The following TPRG1 variants were observed in gnomAD, a reference collection of about 807,000 sequenced individuals.
The protein encoded by TPRG1 is tumor protein p63 regulated 1, also known as tumor protein p63-regulated gene 1 protein.
TPRG1 carries 29 observed loss-of-function variants against 29.3 expected under a neutral mutation model. The observed-to-expected ratio is 0.99, with a 90% CI of 0.74 to 1.35. TPRG1 has a LOEUF of 1.35. TPRG1 is among the 40% of genes most tolerant of loss of function. TPRG1 has a pLI of 0.00. For synonymous variants in TPRG1, 130 were observed against 116.8 expected, an observed-to-expected ratio of 1.11 and a Z score of -0.73; for missense variants, 327 against 335.0, an observed-to-expected ratio of 0.98 and a Z score of 0.19.
chr3:189,314,913 A>G, intron 5 of TPRG1, among the ~76,000 whole-genome samples: 1 of 152,166 alleles, frequency 6.6e-6, no homozygotes, highest in East Asian at 1.9e-4. Flanking sequence ...TGAGGCCAGA[A>G]GTTCAAGACC....
intron 3 of TPRG1, among the ~76,000 whole-genome samples, chr3:189,222,969 A>G (rs928743368): frequency 2.0e-5 from 3 of 152,160 alleles, no homozygotes; most frequent in East Asian, 1.9e-4. Flanking sequence ...GAGCCTTTCC[A>G]TATTGATTCA....
intron 4 of TPRG1, among the ~76,000 whole-genome samples, chr3:189,246,940 A>C (rs527868336): frequency 2.0e-5 from 3 of 152,132 alleles, no homozygotes; most frequent in African/African-American, 7.2e-5. Context: ...TTTGACTTTG[A>C]TGTGCTACAT....
rs1021544423 is a variant in TPRG1 at position 189,287,543 on chromosome 3, G to A, written c.480-22843G>A. Among the ~76,000 whole-genome samples the A allele has an allele frequency of 7.9e-5, 12 of 151,804 alleles. No homozygotes were observed. In the South Asian group the frequency reaches 2.3e-3, roughly 29 times the overall value. Reference sequence around the variant, plus strand: ...CTCCCGAGTAGCTGGGACTACAGGCGCCCACCACCACACCTGGCTAATTTT... The same window carrying A: ...CTCCCGAGTAGCTGGGACTACAGGCACCCACCACCACACCTGGCTAATTTT... On this transcript the variant is annotated intron_variant, in intron 4 of 5. Transcript: ENST00000345063.
chr3:189,212,842 ATTGT>A (rs1261584439), intron 2 of TPRG1, among the ~76,000 whole-genome samples: 1 of 152,210 alleles, frequency 6.6e-6, no homozygotes, highest in East Asian at 1.9e-4. Flanking sequence ...AGACATGGAC[ATTGT>A]TTGTGTGACA....
chr3:189,035,734 T>C (rs1211847817), intron 4 of TPRG1, among the ~76,000 whole-genome samples: 1 of 151,168 alleles, frequency 6.6e-6, no homozygotes, highest in Non-Finnish European at 1.5e-5. Context: ...CAACTCATAC[T>C]AGTCAGAATG....
At chr3:189,026,595 G>A (rs982250254) in intron 4 of TPRG1, among the ~76,000 whole-genome samples, 1 of 152,190 alleles carries the variant, frequency 6.6e-6, no homozygotes, top group South Asian at 2.1e-4. Flanking sequence ...TTTTGGGAAT[G>A]GCAAGTAGGG....
chr3:189,297,594 T>C (rs1720167036), intron 4 of TPRG1, among the ~76,000 whole-genome samples: 1 of 152,154 alleles, frequency 6.6e-6, no homozygotes, highest in Non-Finnish European at 1.5e-5. Flanking sequence ...CTGGATCAGA[T>C]TCTGGATTTT....
chr3:189,147,344 T>A (rs982246315), intron 3 of TPRG1, among the ~76,000 whole-genome samples: 1 of 152,052 alleles, frequency 6.6e-6, no homozygotes, highest in Non-Finnish European at 1.5e-5. Context: ...GTAGGATGAG[T>A]TTAGAGGACC....
At chr3:189,257,810 G>A (rs1712177063) in intron 4 of TPRG1, among the ~76,000 whole-genome samples, 1 of 152,192 alleles carries the variant, frequency 6.6e-6, no homozygotes, top group South Asian at 2.1e-4. Context: ...TGATACTTGT[G>A]TATGCTTCAC....
At chr3:189,179,213 A>G (rs757982810) in intron 1 of TPRG1, among the ~76,000 whole-genome samples, 1 of 152,118 alleles carries the variant, frequency 6.6e-6, no homozygotes, top group Non-Finnish European at 1.5e-5. Context: ...TGGAGCTGCA[A>G]CCATACATTT....
At chr3:189,264,541 C>T (rs191395276) in intron 4 of TPRG1, among the ~76,000 whole-genome samples, 94 of 142,430 alleles carry the variant, frequency 6.6e-4, no homozygotes, top group African/African-American at 2.8e-3. Context: ...CTTTTTTTTT[C>T]ATATCATTCC....
chr3:189,287,169 A>G (rs911071452), intron 4 of TPRG1, among the ~76,000 whole-genome samples: 6 of 152,082 alleles, frequency 3.9e-5, no homozygotes, highest in Non-Finnish European at 8.8e-5. Context: ...CATTTCAGAC[A>G]GGAAGAAAGG....
At chr3:189,070,860 G>A (rs895423337) in intron 4 of TPRG1, among the ~76,000 whole-genome samples, 5 of 152,070 alleles carry the variant, frequency 3.3e-5, no homozygotes, top group African/African-American at 4.8e-5. Flanking sequence ...GAATCTCTGT[G>A]TGACCATTGT....
chr3:189,210,466 T>C (rs1240754842), intron 2 of TPRG1, among the ~76,000 whole-genome samples: 5 of 151,754 alleles, frequency 3.3e-5, no homozygotes, highest in Admixed American at 1.3e-4. Flanking sequence ...TCTGAAGGGA[T>C]AATTCAATAA....
At chr3:189,153,604 T>C (rs556818999) in intron 5 of TPRG1, among the ~76,000 whole-genome samples, 50 of 152,266 alleles carry the variant, frequency 3.3e-4, no homozygotes, top group African/African-American at 1.2e-3. Flanking sequence ...CAGGTAATTC[T>C]TCCTAGATCA....
chr3:189,175,736 G>A (rs1223435661), intron 1 of TPRG1, among the ~76,000 whole-genome samples: 1 of 152,072 alleles, frequency 6.6e-6, no homozygotes, highest in Non-Finnish European at 1.5e-5. Context: ...TTAGAAAGAT[G>A]GATAAAAATA....
At chr3:189,023,111 A>G (rs933585168) in intron 3 of TPRG1, among the ~76,000 whole-genome samples, 15 of 152,158 alleles carry the variant, frequency 9.9e-5, no homozygotes, top group African/African-American at 3.1e-4. Flanking sequence ...GCACCCACTG[A>G]CCTGCGCCCA....
chr3:189,164,475 T>G (rs1219790674), intron 5 of TPRG1, among the ~76,000 whole-genome samples: 1 of 152,216 alleles, frequency 6.6e-6, no homozygotes, highest in East Asian at 1.9e-4. Flanking sequence ...ACTTTTTTTC[T>G]TAAATTGGGA....
At chr3:189,079,954 C>CT (rs1031797365) in intron 4 of TPRG1, among the ~76,000 whole-genome samples, 1 of 152,144 alleles carries the variant, frequency 6.6e-6, no homozygotes, top group African/African-American at 2.4e-5. Context: ...GTACCTGATA[C>CT]TTTTTTGTGC....
Sources: gnomAD v4.1 joint callset for allele counts (sites outside exome capture counted in the v4.1 genomes callset) on GRCh38, gnomAD v4.1.1 for gene constraint, MANE v1.5 for transcripts, NCBI Gene and HGNC (gene_info 2026-07-23, HGNC 2026-07-21) for gene names.